The following EXOC4 variants were observed in gnomAD, a reference collection of about 807,000 sequenced individuals.
EXOC4 encodes exocyst complex component 4, also known as SEC8-like 1.
Under a neutral mutation model 107.2 loss-of-function variants are expected in EXOC4, and 71 were observed. The observed-to-expected ratio is 0.66, with a 90% CI of 0.55 to 0.81. The LOEUF is 0.81. EXOC4 is among the 30% of genes least tolerant of loss of function. The pLI is 0.00. For synonymous variants in EXOC4, 456 were observed against 441.2 expected (o/e 1.03, Z -0.42); for missense variants, 1,108 against 1,189.6 (o/e 0.93, Z 1.01).
At chr7:133,769,402 C>A (rs887250854) in intron 10 of EXOC4, among the ~76,000 whole-genome samples, 1 of 151,780 alleles carries the variant, frequency 6.6e-6, no homozygotes, top group Non-Finnish European at 1.5e-5. Flanking sequence ...TGGAAAGTTT[C>A]ATTCCCAATT....
At chr7:134,041,216 G>A (rs567630150) in intron 17 of EXOC4, among the ~76,000 whole-genome samples, 10 of 152,110 alleles carry the variant, frequency 6.6e-5, no homozygotes, top group Non-Finnish European at 1.0e-4. Flanking sequence ...TCTTTGCCTT[G>A]GTAGATATTG....
chr7:133,618,165 T>C (rs1935566076), intron 9 of EXOC4, among the ~76,000 whole-genome samples: 1 of 152,184 alleles, frequency 6.6e-6, no homozygotes, highest in Admixed American at 6.5e-5. Flanking sequence ...CTGCCTTTTA[T>C]ACCTTTTTCT....
chr7:133,342,684 T>C (rs907214836), intron 5 of EXOC4, among the ~76,000 whole-genome samples: 1 of 147,208 alleles, frequency 6.8e-6, no homozygotes, highest in African/African-American at 2.5e-5. Flanking sequence ...TTGTTTAACG[T>C]AATTCCAAAT....
At chr7:133,983,222 C>G (rs1794036469) in intron 14 of EXOC4, among the ~76,000 whole-genome samples, 1 of 152,148 alleles carries the variant, frequency 6.6e-6, no homozygotes, top group Non-Finnish European at 1.5e-5. Flanking sequence ...CTAAGGGATC[C>G]TCCCCCATGA....
chr7:133,515,430 C>T (rs1479664653), intron 9 of EXOC4, among the ~76,000 whole-genome samples: 2 of 151,876 alleles, frequency 1.3e-5, no homozygotes, highest in African/African-American at 4.8e-5. Flanking sequence ...TATGTACACA[C>T]ATTTATACGT....
chr7:134,015,742 G>C (rs1426221332), intron 17 of EXOC4, among the ~76,000 whole-genome samples: 1 of 152,038 alleles, frequency 6.6e-6, no homozygotes, highest in Non-Finnish European at 1.5e-5. Context: ...AGGTGTGGTG[G>C]CACGTGCCTG....
chr7:133,855,099 A>C (rs10230953), intron 11 of EXOC4, among the ~76,000 whole-genome samples: 4 of 91,032 alleles, frequency 4.4e-5, no homozygotes, highest in Admixed American at 1.1e-4. Context: ...ATAAATATAT[A>C]TATAAATATA....
intron 9 of EXOC4, among the ~76,000 whole-genome samples, chr7:133,482,646 A>G (rs779482182): frequency 3.3e-5 from 5 of 152,152 alleles, no homozygotes; most frequent in Non-Finnish European, 7.4e-5. Context: ...AGCAAGTTCC[A>G]TGGTCTCTGT....
chr7:133,469,356 C>T (rs987608684), intron 7 of EXOC4, among the ~76,000 whole-genome samples: 35 of 152,058 alleles, frequency 2.3e-4, no homozygotes, highest in South Asian at 2.1e-4. Context: ...GTGGCGGATG[C>T]AGTGAGCCGA....
In EXOC4 at chr7:133,797,204, G is replaced by A. The variant is rs1796835380; in HGVS notation, c.1515-20121G>A. On this transcript the variant is annotated intron_variant, in intron 10 of 17. Transcript: ENST00000253861. ...TAGAATAAAACACAGTTTGCATAAA[G>A]ATGGGGCCCATTTATAAAACTGTCA... is the stretch of plus-strand genomic sequence containing the variant. Among the ~76,000 whole-genome samples the A allele has an allele frequency of 2.0e-5, 3 of 152,114 alleles. No individual in the cohort carries two copies. In the South Asian group the frequency reaches 6.2e-4, roughly 32 times the overall value.
At chr7:133,568,099 G>A (rs1231700675) in intron 9 of EXOC4, among the ~76,000 whole-genome samples, 1 of 152,102 alleles carries the variant, frequency 6.6e-6, no homozygotes, top group African/African-American at 2.4e-5. Flanking sequence ...AAATGTTTTA[G>A]TTTGAATTTA....
chr7:133,775,745 T>C (rs992672000), intron 10 of EXOC4, among the ~76,000 whole-genome samples: 6 of 152,192 alleles, frequency 3.9e-5, no homozygotes, highest in African/African-American at 1.4e-4. Context: ...CACTTTTCTA[T>C]TGCACATCCT....
chr7:133,505,824 T>C (rs1201604965), intron 9 of EXOC4, among the ~76,000 whole-genome samples: 1 of 152,110 alleles, frequency 6.6e-6, no homozygotes, highest in East Asian at 1.9e-4. Flanking sequence ...GTAGCTTGGA[T>C]GACTTTTTAC....
chr7:133,328,156 T>C (rs561061838), intron 5 of EXOC4, among the ~76,000 whole-genome samples: 1 of 152,356 alleles, frequency 6.6e-6, no homozygotes, highest in South Asian at 2.1e-4. Flanking sequence ...TAGCTCTTCT[T>C]GTTGAATTGA....
At position 133,496,708 on chromosome 7, in the gene EXOC4, C is replaced by T. The variant is rs1799483083; in HGVS notation, c.1417+16570C>T. ...TTATTGCATGTTTCTTACTGATATT[C>T]CCACTGGTAGTAGGCAGAATTCTAG... On this transcript the variant is annotated intron_variant, in intron 9 of 17. Coordinates refer to ENST00000253861, the MANE Select transcript of EXOC4 (RefSeq NM_021807.4). 2.0e-5 allele frequency among the ~76,000 whole-genome samples: 3 copies of T among 152,060 alleles called. No homozygotes were observed. The South Asian group carries it at 6.2e-4, about 32-fold the overall frequency.
chr7:133,288,372 C>T lies in EXOC4; in HGVS notation c.277-550C>T, dbSNP rs146626596. 7.1e-3 allele frequency among the ~76,000 whole-genome samples: 1,078 copies of T among 152,194 alleles called. 14 individuals are homozygous for T. The highest frequency in any genetic ancestry group is 0.025 in the African/African-American group (1,021 of 41,512). On this transcript the variant is annotated intron_variant, in intron 2 of 17. Transcript: ENST00000253861. ...TATTCAGAATGCAAGGCAAAAAAGC[C>T]TTGGTATGTCCTTTTATTTTCAGAT...
intron 10 of EXOC4, among the ~76,000 whole-genome samples, chr7:133,803,208 A>G (rs978585846): frequency 3.9e-5 from 6 of 152,200 alleles, no homozygotes; most frequent in Non-Finnish European, 8.8e-5. Context: ...TCTGAGCCAG[A>G]GTAGTTTTCT....
At chr7:133,677,590 AT>A (rs1794092065) in intron 10 of EXOC4, among the ~76,000 whole-genome samples, 1 of 152,152 alleles carries the variant, frequency 6.6e-6, no homozygotes, top group Admixed American at 6.5e-5. Flanking sequence ...TTCTTTATAC[AT>A]TTCAGCTTCC....
chr7:133,450,281 A>G (rs1405696823), intron 7 of EXOC4, among the ~76,000 whole-genome samples: 2 of 152,030 alleles, frequency 1.3e-5, no homozygotes, highest in Admixed American at 6.6e-5. Flanking sequence ...CTCCTGCCTC[A>G]GGCTCCTTGA....
Sources: allele counts gnomAD v4.1 joint callset (sites outside exome capture counted in the v4.1 genomes callset), GRCh38; gene constraint gnomAD v4.1.1; transcripts MANE v1.5; gene names NCBI Gene and HGNC (gene_info 2026-07-23, HGNC 2026-07-21).